SLC1A1: variants seen among roughly 807,000 people sequenced by gnomAD.
The protein encoded by SLC1A1 is excitatory amino acid transporter 3.
A neutral mutation model predicts 53.3 loss-of-function variants in SLC1A1; 43 were observed. That is an observed-to-expected ratio of 0.81 (90% CI 0.63 to 1.04). SLC1A1 has a LOEUF of 1.04. SLC1A1 is among the 50% of genes least tolerant of loss of function. SLC1A1 has a pLI of 0.00. For synonymous variants in SLC1A1, 307 were observed against 243.2 expected, an observed-to-expected ratio of 1.26 and a Z score of -2.44; for missense variants, 748 against 664.9, an observed-to-expected ratio of 1.12 and a Z score of -1.37.
intron 1 of SLC1A1, among the ~76,000 whole-genome samples, chr9:4,535,125 G>A (rs1310921022): frequency 6.6e-6 from 1 of 152,122 alleles, no homozygotes; most frequent in African/African-American, 2.4e-5. Flanking sequence ...AAAATTGGAA[G>A]CATTCCCTTT....
rs1821553774 is a variant in SLC1A1, at chr9:4,586,137, G to A, written c.*579G>A. 1 of 162,050 alleles carries A rather than the reference G, an allele frequency of 6.2e-6. No individual in the cohort carries two copies. Among genetic ancestry groups the A allele is most frequent in the African/African-American group, 2.4e-5 (1 of 41,448 alleles). 10.0% of individuals were successfully genotyped at this position (162,050 alleles called of 1,614,324 possible). On this transcript the variant is annotated 3_prime_UTR_variant, in exon 12 of 12. Coordinates refer to ENST00000262352, the MANE Select transcript of SLC1A1 (RefSeq NM_004170.6). ...TTTAAGATGGGCATAGGGTTTGGAA[G>A]AAAGGGAGAAGGATTCTTTTTTCAA...
chr9:4,528,463 C>A (rs1816344467), intron 1 of SLC1A1, among the ~76,000 whole-genome samples: 1 of 152,120 alleles, frequency 6.6e-6, no homozygotes, highest in Non-Finnish European at 1.5e-5. Flanking sequence ...GTAGTCCCAG[C>A]TACTCGGGAG....
intron 2 of SLC1A1, 61 bp from the exon 3 acceptor site, chr9:4,561,388 C>T (rs1818923377): frequency 3.0e-6 from 3 of 990,030 alleles, no homozygotes; most frequent in Non-Finnish European, 4.9e-6. Flanking sequence ...AGGATTAAAT[C>T]GCGGGTCCTG....
At chr9:4,507,751 GT>G (rs374233468) in intron 1 of SLC1A1, among the ~76,000 whole-genome samples, 12 of 152,160 alleles carry the variant, frequency 7.9e-5, no homozygotes, top group African/African-American at 2.9e-4. Context: ...TTCCAGGCTT[GT>G]GGCAGGTTTA....
At chr9:4,513,241 G>A (rs1377960281) in intron 1 of SLC1A1, among the ~76,000 whole-genome samples, 2 of 152,024 alleles carry the variant, frequency 1.3e-5, no homozygotes, top group African/African-American at 4.8e-5. Flanking sequence ...TCTCCAAAAG[G>A]CACTTAAGAG....
intron 1 of SLC1A1, among the ~76,000 whole-genome samples, chr9:4,525,632 T>C (rs145060105): frequency 6.6e-6 from 1 of 152,056 alleles, no homozygotes; most frequent in African/African-American, 2.4e-5. Flanking sequence ...AACTAGATAA[T>C]AGAAAAATGA....
chr9:4,585,269 T>A, intron 11 of SLC1A1, 43 bp from the exon 12 acceptor site: 1 of 1,611,932 alleles, frequency 6.2e-7, no homozygotes, highest in South Asian at 1.1e-5. Flanking sequence ...TGAAGGAAAA[T>A]GAAATCTGGG....
chr9:4,567,960 C>T (rs890792599), intron 6 of SLC1A1, among the ~76,000 whole-genome samples, 193 bp downstream of exon 6: 2 of 152,138 alleles, frequency 1.3e-5, no homozygotes, highest in Admixed American at 6.6e-5. Context: ...CAAAGAGCGG[C>T]AAAATATTTG....
In SLC1A1 at chr9:4,576,624, A is replaced by ATAAACCAGGGACATAAACC; in HGVS notation, c.1054_1055insTAAACCAGGGACATAAACC (p.Lys352IlefsTer29). 6.2e-7 allele frequency: 1 copy of ATAAACCAGGGACATAAACC among 1,614,204 alleles called. No homozygotes were observed. Among genetic ancestry groups the ATAAACCAGGGACATAAACC allele is most frequent in the Non-Finnish European group, 8.5e-7 (1 of 1,180,022 alleles). On this transcript the variant is annotated frameshift_variant, in exon 10 of 12. Transcript: ENST00000262352. LOFTEE classifies it high-confidence loss of function. ...TGCTGAAGAAAATAACCAGGTGGAC[A>ATAAACCAGGGACATAAACC]AGAGGATCACTCGATTCGTGTTACC...
chr9:4,508,228 G>A (rs1025559028), intron 1 of SLC1A1, among the ~76,000 whole-genome samples: 5 of 152,174 alleles, frequency 3.3e-5, no homozygotes, highest in Non-Finnish European at 7.3e-5. Flanking sequence ...GAAAAAAGTA[G>A]AATAAAGAGA....
rs942452313 is a variant in SLC1A1 at position 4,583,911 on chromosome 9, C to T, written c.1328+739C>T. Among the ~76,000 whole-genome samples the T allele has an allele frequency of 2.5e-5, 3 of 118,084 alleles. No individual in the cohort carries two copies. The highest frequency in any genetic ancestry group is 5.9e-5 in the Non-Finnish European group (3 of 50,580). 77.5% of individuals were successfully genotyped at this position (118,084 alleles called of 152,430 possible). A position where few individuals can be genotyped will look rare whatever the true frequency, so the allele number is the denominator to read the frequency against. On this transcript the variant is annotated intron_variant, in intron 11 of 11. Coordinates refer to ENST00000262352, the MANE Select transcript of SLC1A1 (RefSeq NM_004170.6). This position sits in a 1 kb window ranked among gnomAD's most constrained non-coding sequence, Gnocchi z 4.6. ...ACACACACACACACACACACACACA[C>T]ATATGGAATACAGCAGAACATCTGG...
chr9:4,545,640 G>A (rs188777853), intron 2 of SLC1A1, among the ~76,000 whole-genome samples: 21 of 152,314 alleles, frequency 1.4e-4, no homozygotes, highest in Admixed American at 1.2e-3. Context: ...TTGCTGTGGG[G>A]ACCAGCAGTC....
intron 4 of SLC1A1, 80 bp from the exon 5 acceptor site, chr9:4,565,967 C>T (rs1022289457): frequency 5.6e-6 from 6 of 1,066,356 alleles, no homozygotes; most frequent in South Asian, 5.0e-5. Context: ...TTATGTTATA[C>T]TAATTTCTAC....
intron 1 of SLC1A1, among the ~76,000 whole-genome samples, chr9:4,503,175 T>A (rs936734529): frequency 4.0e-5 from 6 of 151,802 alleles, no homozygotes; most frequent in Non-Finnish European, 5.9e-5. Context: ...GTCTGTTCTG[T>A]GGCAGACATC....
intron 1 of SLC1A1, among the ~76,000 whole-genome samples, chr9:4,519,363 C>G (rs1586706959): frequency 6.6e-6 from 1 of 152,214 alleles, no homozygotes; most frequent in South Asian, 2.1e-4. Flanking sequence ...TCGAGATACC[C>G]TCACTCAAGT....
At chr9:4,578,662 A>G (rs929657540) in intron 10 of SLC1A1, among the ~76,000 whole-genome samples, 13 of 152,238 alleles carry the variant, frequency 8.5e-5, no homozygotes, top group Non-Finnish European at 1.3e-4. Flanking sequence ...TGAAATGAGG[A>G]TAGACATTGT....
rs1202110544 is a variant in SLC1A1, at chr9:4,586,935, T to C, written c.*1377T>C. 2 of 152,598 alleles carry C rather than the reference T, an allele frequency of 1.3e-5. No homozygotes were observed. Among genetic ancestry groups the C allele is most frequent in the Non-Finnish European group, 2.9e-5 (2 of 68,042 alleles). The allele number at this position is 152,598 out of a possible 1,614,324, so 9.5% of individuals were successfully genotyped here. On this transcript the variant is annotated 3_prime_UTR_variant, in exon 12 of 12. Coordinates refer to ENST00000262352, the MANE Select transcript of SLC1A1 (RefSeq NM_004170.6). ...TCATTCTGCTAATTTATGAAGATAGTTTATTATAGTCTGTACTTCAGTTCT... is the reference window on the plus strand; with the variant it reads ...TCATTCTGCTAATTTATGAAGATAGCTTATTATAGTCTGTACTTCAGTTCT...
At chr9:4,542,439 A>G (rs1480847204) in intron 1 of SLC1A1, among the ~76,000 whole-genome samples, 1 of 152,178 alleles carries the variant, frequency 6.6e-6, no homozygotes, top group African/African-American at 2.4e-5. Context: ...TTAATTTAGC[A>G]TAGAGATAAT....
intron 4 of SLC1A1, among the ~76,000 whole-genome samples, chr9:4,565,186 G>A (rs1167441213): frequency 1.3e-5 from 2 of 152,094 alleles, no homozygotes; most frequent in African/African-American, 4.8e-5. Context: ...GGCCTTTATT[G>A]AGTTTCCAGG....
Sources: allele counts gnomAD v4.1 joint callset (sites outside exome capture counted in the v4.1 genomes callset), GRCh38; gene constraint gnomAD v4.1.1; non-coding constraint Gnocchi (gnomAD v3.1); transcripts MANE v1.5; gene names NCBI Gene and HGNC (gene_info 2026-07-23, HGNC 2026-07-21).